The following CDH4 variants were observed in gnomAD, a reference collection of about 807,000 sequenced individuals.
CDH4 encodes cadherin-4.
A neutral mutation model predicts 86.0 loss-of-function variants in CDH4; 33 were observed. The observed-to-expected ratio is 0.38, with a 90% CI of 0.29 to 0.51. The LOEUF is 0.51. CDH4 is among the 20% of genes least tolerant of loss of function. The pLI, the probability that CDH4 is intolerant of heterozygous loss-of-function variation, is 0.86. For missense variants in CDH4, 1,114 were observed against 1,307.4 expected, an observed-to-expected ratio of 0.85 and a Z score of 2.28; for synonymous variants, 555 against 549.4, an observed-to-expected ratio of 1.01 and a Z score of -0.14.
chr20:61,356,540 A>T (rs2084751517), intron 2 of CDH4, among the ~76,000 whole-genome samples: 1 of 152,226 alleles, frequency 6.6e-6, no homozygotes, highest in African/African-American at 2.4e-5. Flanking sequence ...GGCAACAAAG[A>T]GTAAAAGCCG....
chr20:61,783,561 G>A (rs565335321), intron 4 of CDH4, among the ~76,000 whole-genome samples: 24 of 145,236 alleles, frequency 1.7e-4, no homozygotes, highest in Non-Finnish European at 3.2e-4. Flanking sequence ...GTGCCCCTGG[G>A]AGAAATGTAA....
intron 6 of CDH4, among the ~76,000 whole-genome samples, chr20:61,857,792 G>A (rs1035202481): frequency 6.6e-6 from 1 of 152,264 alleles, no homozygotes; most frequent in African/African-American, 2.4e-5. Context: ...TTGCAGAACC[G>A]CAGTGCAGGT....
chr20:61,662,312 C>G (rs2087266750), intron 2 of CDH4, among the ~76,000 whole-genome samples: 1 of 152,228 alleles, frequency 6.6e-6, no homozygotes, highest in Non-Finnish European at 1.5e-5. Flanking sequence ...CTTTCTGGAG[C>G]CATCGCTGGC....
chr20:61,866,531 A>ACTTC lies in CDH4; in HGVS notation c.878-7197_878-7196insCTTC, dbSNP rs1418750442. 7.2e-5 allele frequency among the ~76,000 whole-genome samples: 11 copies of ACTTC among 152,304 alleles called. No individual in the cohort carries two copies. In the East Asian group the frequency reaches 1.5e-3, roughly 21 times the overall value. ...AGCTTTTGCACATTTGACATGTGGA[A>ACTTC]AATGTCTTCCTTTCATTTCTTTGAT... On this transcript the variant is annotated intron_variant, in intron 6 of 15. Transcript: ENST00000614565.
chr20:61,549,685 T>TTA (rs2086113344), intron 2 of CDH4, among the ~76,000 whole-genome samples: 1 of 152,154 alleles, frequency 6.6e-6, no homozygotes, highest in South Asian at 2.1e-4. Flanking sequence ...CTCCGGGATG[T>TTA]TATGTGCACC....
chr20:61,923,961 ATCCTGGCCACACTC>A (rs1192185894), intron 10 of CDH4, among the ~76,000 whole-genome samples: 3 of 152,046 alleles, frequency 2.0e-5, no homozygotes, highest in Non-Finnish European at 4.4e-5. Flanking sequence ...GGCCGGCCCG[ATCCTGGCCACACTC>A]TCATAGCTAT....
intron 8 of CDH4, among the ~76,000 whole-genome samples, chr20:61,901,794 G>A (rs2054730708): frequency 6.6e-6 from 1 of 152,270 alleles, no homozygotes; most frequent in East Asian, 1.9e-4. Flanking sequence ...GGTGACAAGG[G>A]CAGCAGCAGA....
At chr20:61,868,678 A>T (rs375791895) in intron 6 of CDH4, among the ~76,000 whole-genome samples, 1 of 97,772 alleles carries the variant, frequency 1.0e-5, no homozygotes, top group Non-Finnish European at 2.4e-5. Context: ...TCCCCTCCAC[A>T]CTGGCCGGGT....
At chr20:61,553,013 T>C (rs1254096283) in intron 2 of CDH4, among the ~76,000 whole-genome samples, 1 of 152,236 alleles carries the variant, frequency 6.6e-6, no homozygotes, top group Non-Finnish European at 1.5e-5. Flanking sequence ...GTACCATTCA[T>C]AGTAGTCAAA....
intron 2 of CDH4, among the ~76,000 whole-genome samples, chr20:61,500,014 T>G (rs1415040390): frequency 1.3e-5 from 2 of 152,100 alleles, no homozygotes; most frequent in Admixed American, 6.5e-5. Context: ...GAACTATTAT[T>G]ATTAGTTTTA....
chr20:61,682,221 A>AATGG (rs760685413), intron 2 of CDH4, among the ~76,000 whole-genome samples: 7 of 148,340 alleles, frequency 4.7e-5, no homozygotes, highest in Non-Finnish European at 9.0e-5. Flanking sequence ...TGGATAGAGA[A>AATGG]ATGGATGGAT....
chr20:61,924,493 G>C lies in CDH4; in HGVS notation c.1771+17G>C. ...CTGACAATGGTGCGGCCCACCCCAG[G>C]GAGGCAGCCGTCTCGGTGGCCTTCC... On this transcript the variant is annotated intron_variant, in intron 11 of 15. Transcript: ENST00000614565. 3 of 1,608,356 alleles carry C rather than the reference G, an allele frequency of 1.9e-6. No individual in the cohort carries two copies. Among genetic ancestry groups the C allele is most frequent in the Non-Finnish European group, 2.5e-6 (3 of 1,177,228 alleles).
intron 2 of CDH4, among the ~76,000 whole-genome samples, chr20:61,296,085 A>G (rs2123193273): frequency 6.6e-6 from 1 of 152,272 alleles, no homozygotes; most frequent in East Asian, 1.9e-4. Context: ...GCCTGCGAGA[A>G]GGAGAGCGGC....
chr20:61,474,135 T>A (rs1364457458), intron 2 of CDH4, among the ~76,000 whole-genome samples: 1 of 150,906 alleles, frequency 6.6e-6, no homozygotes, highest in Non-Finnish European at 1.5e-5. Context: ...GAGGTATTCT[T>A]TTGTCATGGA....
At chr20:61,565,083 GTGGTGCTCT>G (rs200257657) in intron 2 of CDH4, among the ~76,000 whole-genome samples, 47 of 131,106 alleles carry the variant, frequency 3.6e-4, no homozygotes, top group African/African-American at 6.2e-4. Flanking sequence ...GGTGGTGGTG[GTGGTGCTCT>G]TGGTGGTGCT....
At chr20:61,779,511 G>T (rs904296848) in intron 4 of CDH4, among the ~76,000 whole-genome samples, 3 of 152,224 alleles carry the variant, frequency 2.0e-5, no homozygotes, top group African/African-American at 7.2e-5. Context: ...GCTCACAAAG[G>T]ATGGCTCAAG....
At chr20:61,629,775 T>C (rs568233866) in intron 2 of CDH4, among the ~76,000 whole-genome samples, 1 of 152,170 alleles carries the variant, frequency 6.6e-6, no homozygotes, top group Non-Finnish European at 1.5e-5. Context: ...GGGAAGGTGC[T>C]CGGTGCCCAG....
At chr20:61,837,068 C>T (rs553078368) in intron 4 of CDH4, among the ~76,000 whole-genome samples, 1 of 152,346 alleles carries the variant, frequency 6.6e-6, no homozygotes, top group South Asian at 2.1e-4. Flanking sequence ...GTGGTCCACA[C>T]TCTGGTCCCA....
At chr20:61,785,431 A>T (rs1313807070) in intron 4 of CDH4, among the ~76,000 whole-genome samples, 1 of 152,168 alleles carries the variant, frequency 6.6e-6, no homozygotes, top group African/African-American at 2.4e-5. Flanking sequence ...GGAGGAGTGG[A>T]TGGTGACCTG....
Sources: allele counts gnomAD v4.1 joint callset (sites outside exome capture counted in the v4.1 genomes callset), GRCh38; gene constraint gnomAD v4.1.1; transcripts MANE v1.5; gene names NCBI Gene and HGNC (gene_info 2026-07-23, HGNC 2026-07-21).